TGFBR3: variants seen among roughly 807,000 people sequenced by gnomAD.
TGFBR3 encodes transforming growth factor beta receptor type 3.
TGFBR3 carries 46 observed loss-of-function variants against 87.9 expected under a neutral mutation model. The observed-to-expected ratio is 0.52, with a 90% CI of 0.41 to 0.67. The LOEUF (loss-of-function observed/expected upper bound fraction) is 0.67. TGFBR3 is among the 30% of genes least tolerant of loss of function. The probability of loss-of-function intolerance (pLI) is 0.00; values close to 1 mark genes in which losing one functional copy is unlikely to be tolerated. For missense variants in TGFBR3, 866 were observed against 1,041.9 expected (o/e 0.83, Z 2.32); for synonymous variants, 381 against 391.6 (o/e 0.97, Z 0.32).
intron 4 of TGFBR3, among the ~76,000 whole-genome samples, chr1:91,744,086 C>CTTT (rs144888223): frequency 2.9e-5 from 4 of 135,930 alleles, no homozygotes; most frequent in African/African-American, 5.5e-5. Context: ...ATTTTACTTA[C>CTTT]TTTTTTTTTT....
intron 6 of TGFBR3, among the ~76,000 whole-genome samples, chr1:91,729,322 C>T (rs771352723): frequency 6.8e-6 from 1 of 146,654 alleles, no homozygotes; most frequent in Non-Finnish European, 1.5e-5. Flanking sequence ...ACAGATTTAA[C>T]GCAAACAGCT....
At chr1:91,838,294 G>A (rs528868219) in intron 2 of TGFBR3, among the ~76,000 whole-genome samples, 60 of 152,164 alleles carry the variant, frequency 3.9e-4, no homozygotes, top group African/African-American at 1.2e-3. Context: ...AACATTTTCT[G>A]CAATAGAAAT....
At chr1:91,875,784 CGG>C (rs1192137391) in intron 1 of TGFBR3, among the ~76,000 whole-genome samples, 97 of 4,754 alleles carry the variant, frequency 0.02, 2 homozygotes, top group African/African-American at 0.036. Flanking sequence ...GCTACTCGGG[CGG>C]GGGGGGGGGG....
At chr1:91,722,903 A>G (rs1489071700) in intron 7 of TGFBR3, among the ~76,000 whole-genome samples, 1 of 152,236 alleles carries the variant, frequency 6.6e-6, no homozygotes, top group Non-Finnish European at 1.5e-5. Flanking sequence ...CCACTGTCGT[A>G]TATGTGGTCC....
At chr1:91,899,954 T>A (rs17883471) in intron 1 of TGFBR3, among the ~76,000 whole-genome samples, 2 of 152,102 alleles carry the variant, frequency 1.3e-5, no homozygotes, top group South Asian at 2.1e-4. Context: ...TAGTGAGACC[T>A]GTCTCTAAAA....
intron 2 of TGFBR3, among the ~76,000 whole-genome samples, chr1:91,823,762 T>C (rs1260899410): frequency 6.6e-6 from 1 of 152,198 alleles, no homozygotes; most frequent in East Asian, 1.9e-4. Context: ...ATAGAAAAAT[T>C]CTCTGTATCT....
intron 16 of TGFBR3, among the ~76,000 whole-genome samples, chr1:91,686,796 A>G (rs1671103235): frequency 6.6e-6 from 1 of 152,210 alleles, no homozygotes; most frequent in South Asian, 2.1e-4. Flanking sequence ...TCTCTAAAAC[A>G]TCCCTTGGGT....
chr1:91,695,493 CACT>C (rs1250667648), intron 16 of TGFBR3, 176 bp downstream of exon 16: 1 of 647,242 alleles, frequency 1.5e-6, no homozygotes, highest in Non-Finnish European at 2.8e-6. Flanking sequence ...CTTTTCTTTC[CACT>C]GTTTATGGCA....
At chr1:91,689,427 T>C (rs114832770) in intron 16 of TGFBR3, among the ~76,000 whole-genome samples, 2,599 of 152,324 alleles carry the variant, frequency 0.017, 70 homozygotes, top group African/African-American at 0.059. Context: ...CTGTTGCTCA[T>C]GGCTATTTTA....
In TGFBR3 at chr1:91,734,931, G is replaced by A. The variant is rs760383880; in HGVS notation, c.413C>T (p.Ser138Leu). ...LVSEGSVVQFSSANFSLTAET... is the reference protein window; with the variant it reads ...LVSEGSVVQFLSANFSLTAET... The stretch of plus-strand genomic sequence containing the variant: ...TGCTGTCAAGGAGAAGTTTGCTGAT[G>A]AAAACTGGACCACAGAACCCTCAGA... Residue 138 changes from serine (S) to leucine (L), a missense_variant, in exon 5 of 17, where the codon TCA (serine) becomes TTA (leucine). Physicochemically the swap from Ser to Leu is moderately radical, Grantham distance 145. Transcript: ENST00000212355. 3.1e-6 allele frequency: 5 copies of A among 1,614,058 alleles called. No individual in the cohort carries two copies. The highest frequency in any genetic ancestry group is 2.7e-5 in the African/African-American group (2 of 74,922).
chr1:91,774,087 G>C (rs1674478860), intron 3 of TGFBR3, among the ~76,000 whole-genome samples: 1 of 151,952 alleles, frequency 6.6e-6, no homozygotes, highest in Non-Finnish European at 1.5e-5. Context: ...TGTTGACATG[G>C]TAGTAGTCTA....
intron 1 of TGFBR3, among the ~76,000 whole-genome samples, chr1:91,884,576 C>T (rs1418407853): frequency 6.6e-6 from 1 of 152,130 alleles, no homozygotes; most frequent in African/African-American, 2.4e-5. Context: ...TGCCGCTCTC[C>T]GCTGAGGAAG....
At chr1:91,716,129 C>T (rs1672159465) in intron 12 of TGFBR3, 107 bp downstream of exon 12, 1 of 1,374,278 alleles carries the variant, frequency 7.3e-7, no homozygotes, top group African/African-American at 1.4e-5. Context: ...TGTTGAAGGT[C>T]TGTGAGGTAG....
At chr1:91,733,475 C>A (rs1672847095) in intron 5 of TGFBR3, among the ~76,000 whole-genome samples, 2 of 152,238 alleles carry the variant, frequency 1.3e-5, no homozygotes, top group South Asian at 4.1e-4. Context: ...TCCACGTCCA[C>A]CTTTCCTGCC....
chr1:91,783,239 CA>C (rs1674838791), intron 3 of TGFBR3: 2 of 150,960 alleles, frequency 1.3e-5, no homozygotes, highest in Admixed American at 6.6e-5. Context: ...AAGAGTTGTA[CA>C]AATTTCAGGT....
At chr1:91,841,501 A>G (rs12043241) in intron 2 of TGFBR3, among the ~76,000 whole-genome samples, 48,937 of 151,986 alleles carry the variant, frequency 0.32, 8,086 homozygotes, top group Non-Finnish European at 0.36. Flanking sequence ...TGGAATTATT[A>G]TAAAAATAGT....
At chr1:91,714,549 G>GAAA in intron 12 of TGFBR3, among the ~76,000 whole-genome samples, 2 of 147,650 alleles carry the variant, frequency 1.4e-5, no homozygotes, top group African/African-American at 4.9e-5. Flanking sequence ...AACAAGAATG[G>GAAA]AAAAAAAAAA....
At position 91,852,670 on chromosome 1, in the gene TGFBR3, G is replaced by C. The variant is rs561644580; in HGVS notation, c.61+8801C>G. ...CAACCTCCGCCTCCCAGGTTCAAGT[G>C]GTTCTCCTGCCTCAGCCTCTCGAGT... is the stretch of plus-strand genomic sequence containing the variant. On this transcript the variant is annotated intron_variant, in intron 2 of 16. Coordinates refer to ENST00000212355, the MANE Select transcript of TGFBR3 (RefSeq NM_003243.5). Among the ~76,000 whole-genome samples, 3 of 152,262 alleles carry C rather than the reference G, an allele frequency of 2.0e-5. No individual in the cohort carries two copies. The East Asian group carries it at 5.8e-4, about 29-fold the overall frequency.
At chr1:91,711,665 C>A (rs1671987228) in intron 13 of TGFBR3, among the ~76,000 whole-genome samples, 1 of 152,196 alleles carries the variant, frequency 6.6e-6, no homozygotes, top group Non-Finnish European at 1.5e-5. Flanking sequence ...CAGATCTCCC[C>A]TATCAAATGC....
Sources: gnomAD v4.1 joint callset for allele counts (sites outside exome capture counted in the v4.1 genomes callset) on GRCh38, gnomAD v4.1.1 for gene constraint, MANE v1.5 for transcripts, NCBI Gene and HGNC (gene_info 2026-07-23, HGNC 2026-07-21) for gene names.